Variants in CIT observed in about 807,000 individuals in gnomAD.
CIT encodes the protein citron Rho-interacting kinase.
A neutral mutation model predicts 272.7 loss-of-function variants in CIT; 79 were observed. The observed-to-expected ratio is 0.29, with a 90% confidence interval of 0.24 to 0.35. The LOEUF is 0.35. Among genes scored for constraint, CIT ranks in the 10% least tolerant of loss-of-function variants. The pLI is 1.00. For synonymous variants in CIT, 948 were observed against 995.6 expected, an observed-to-expected ratio of 0.95 and a Z score of 0.90; for missense variants, 1,909 against 2,618.3, an observed-to-expected ratio of 0.73 and a Z score of 5.91.
intron 8 of CIT, among the ~76,000 whole-genome samples, chr12:119,823,272 G>C (rs1333428488): frequency 6.6e-6 from 1 of 152,090 alleles, no homozygotes; most frequent in Non-Finnish European, 1.5e-5. Flanking sequence ...CAACAATGAT[G>C]AGCTATTTAA....
At chr12:119,811,169 ACAAAAAATT>A (rs1966844783) in intron 9 of CIT, among the ~76,000 whole-genome samples, 1 of 152,154 alleles carries the variant, frequency 6.6e-6, no homozygotes, top group Non-Finnish European at 1.5e-5. Context: ...TACAAAAAAT[ACAAAAAATT>A]AGCCGGGTGT....
intron 27 of CIT, 43 bp downstream of exon 27, chr12:119,730,452 A>C (rs1258606805): frequency 6.5e-7 from 1 of 1,541,546 alleles, no homozygotes; most frequent in Admixed American, 2.1e-5. Context: ...AAAAGAAGGA[A>C]ACGAAAATGT....
Position 119,782,565 on chromosome 12 carries a change from G to T in CIT, c.1618C>A (p.His540Asn). 6.2e-7 allele frequency: 1 copy of T among 1,614,146 alleles called. No individual in the cohort carries two copies. Among genetic ancestry groups the T allele is most frequent in the Non-Finnish European group, 8.5e-7 (1 of 1,180,022 alleles). ...QEDDKALQLL[H>N]DIREQSRKLQ... is the part of the protein sequence containing the mutation. ...TTCCGGCTCTGCTCTCTGATATCAT[G>T]GAGAAGCTGCAGTGCTTTGTCATCC... is the stretch of plus-strand genomic sequence containing the variant. Residue 540 changes from histidine (H) to asparagine (N), a missense_variant, in exon 13 of 48, where the codon CAT becomes AAT. This residue lies in a region of CIT where 19 missense variants were observed against 21.4 expected (regional missense o/e 0.89). Transcript: ENST00000392521.
At chr12:119,698,223 C>T (rs1956339537) in intron 44 of CIT, 169 bp from the exon 45 acceptor site, 1 of 655,776 alleles carries the variant, frequency 1.5e-6, no homozygotes, top group Non-Finnish European at 2.7e-6. Flanking sequence ...AGGATATTCA[C>T]TGCCGTGTGG....
chr12:119,851,119 C>T (rs1970198240), intron 4 of CIT, among the ~76,000 whole-genome samples: 1 of 152,166 alleles, frequency 6.6e-6, no homozygotes, highest in Non-Finnish European at 1.5e-5. Context: ...GAGTCTCTCT[C>T]TGTTTCCCAA....
At chr12:119,815,857 G>A (rs536778304) in intron 9 of CIT, among the ~76,000 whole-genome samples, 1 of 152,230 alleles carries the variant, frequency 6.6e-6, no homozygotes, top group Non-Finnish European at 1.5e-5. Context: ...GGGGTTGGGC[G>A]TGGGGTGGGA....
Position 119,784,023 on chromosome 12 carries a change from C to T in CIT, c.1430G>A (p.Arg477Gln), listed in dbSNP as rs1350269868. 2 of 1,612,288 alleles carry T rather than the reference C, an allele frequency of 1.2e-6. No individual in the cohort carries two copies. The highest frequency in any genetic ancestry group is 1.1e-5 in the South Asian group (1 of 90,644). ...CACAGCCTCCACCTCTGACACTCTC[C>T]GATGTAACCGGGTCATTTCCTGCTC... Reference protein sequence around the residue: ...KMEQEMTRLHRRVSEVEAVLS... With the variant: ...KMEQEMTRLHQRVSEVEAVLS... Residue 477 changes from arginine to glutamine, a missense_variant, in exon 12 of 48, where the codon CGG becomes CAG. Around this residue, in one of 8 missense-constraint regions of CIT, gnomAD observed 26 missense variants for 44.1 expected, o/e 0.59. Coordinates refer to ENST00000392521, the MANE Select transcript of CIT (RefSeq NM_001206999.2). This position sits in a 1 kb window ranked among gnomAD's most constrained non-coding sequence, Gnocchi z 4.7.
chr12:119,804,085 T>C lies in CIT; in HGVS notation c.1112-696A>G, dbSNP rs192203547. ...TCAGCATAATGAAGCACCAGCCAAA[T>C]AAAGTTCCTACCGGTGATCTACAGC... On this transcript the variant is annotated intron_variant, in intron 9 of 47. Transcript: ENST00000392521. The surrounding 1 kb of genome is among the most constrained non-coding windows in gnomAD (Gnocchi z 5.3). 1,511 of 820,418 alleles carry C rather than the reference T, an allele frequency of 1.8e-3. 18 individuals carry two copies. In the African/African-American group the frequency reaches 0.03, roughly 16 times the overall value. 50.8% of individuals were successfully genotyped at this position (820,418 alleles called of 1,614,324 possible).
rs368258615 is a variant in CIT at position 119,713,216 on chromosome 12, A to G, written c.4566T>C (p.Asn1522=). The part of the protein sequence containing the change: ...LEGSKVLIYD[N]EAREAGQRPV... The stretch of plus-strand genomic sequence containing the variant: ...TTATTAATTTACCTTCTCTGGCTTC[A>G]TTGTCATAAATGAGGACTTTTGATC... The change falls in exon 35 of 48, where the codon AAT becomes AAC. Residue 1522 remains asparagine, a synonymous_variant. Transcript: ENST00000392521. This position sits in a 1 kb window ranked among gnomAD's most constrained non-coding sequence, Gnocchi z 5.2. 178 of 1,613,630 alleles carry G rather than the reference A, an allele frequency of 1.1e-4. No homozygotes were observed. Among genetic ancestry groups the G allele is most frequent in the Non-Finnish European group, 1.4e-4 (168 of 1,179,746 alleles).
rs536829998 is a variant in CIT at position 119,703,607 on chromosome 12, G to A, written c.5304+756C>T. On this transcript the variant is annotated intron_variant, in intron 41 of 47. Transcript: ENST00000392521. ...TGCCCGGCTAATTTTTGTATTTTTA[G>A]TAGAGACAGGGTTTCACCATGTTGG... Among the ~76,000 whole-genome samples the A allele has an allele frequency of 1.0e-3, 159 of 152,044 alleles. 1 individual carries two copies. Among genetic ancestry groups the A allele is most frequent in the Non-Finnish European group, 1.3e-3 (88 of 67,978 alleles).
rs1435067328 is a variant in CIT at position 119,712,136 on chromosome 12, C to T, written c.4854+42G>A. The T allele has an allele frequency of 2.0e-6, 3 of 1,534,468 alleles. No homozygotes were observed. The highest frequency in any genetic ancestry group is 2.6e-6 in the Non-Finnish European group (3 of 1,141,950). On this transcript the variant is annotated intron_variant, in intron 37 of 47. Transcript: ENST00000392521. The surrounding 1 kb of genome is among the most constrained non-coding windows in gnomAD (Gnocchi z 5.2). Reference sequence around the variant, plus strand: ...GTTAACACCAGTTACCAAGTCAGCCCCCTTTACAAAGACAACCTCCAGGGC... The same window carrying T: ...GTTAACACCAGTTACCAAGTCAGCCTCCTTTACAAAGACAACCTCCAGGGC...
chr12:119,833,705 CAG>C (rs1209712526), intron 6 of CIT, among the ~76,000 whole-genome samples: 1 of 150,190 alleles, frequency 6.7e-6, no homozygotes, highest in African/African-American at 2.5e-5. Context: ...TTCTAACGGG[CAG>C]AGTTAGAGAA....
intron 7 of CIT, among the ~76,000 whole-genome samples, chr12:119,825,883 C>A (rs1337550936): frequency 6.6e-6 from 1 of 152,134 alleles, no homozygotes; most frequent in Non-Finnish European, 1.5e-5. Context: ...GCATGGCCAA[C>A]ATGGTGAAGC....
Position 119,870,728 on chromosome 12 carries a change from A to G in CIT, c.97-1527T>C, listed in dbSNP as rs571043374. Among the ~76,000 whole-genome samples, 15 of 152,038 alleles carry G rather than the reference A, an allele frequency of 9.9e-5. No individual in the cohort carries two copies. The South Asian group carries it at 3.1e-3, about 32-fold the overall frequency. ...ACACAGCTACACCCATCATTTACAT[A>G]TTGTCTTTAGCTGCTTTTGTGCTAC... On this transcript the variant is annotated intron_variant, in intron 2 of 47. Coordinates refer to ENST00000392521, the MANE Select transcript of CIT (RefSeq NM_001206999.2).
chr12:119,697,807 T>A lies in CIT; in HGVS notation c.5734A>T (p.Asn1912Tyr), dbSNP rs754065048. The change falls in exon 46 of 48, where the codon AAC (asparagine) becomes TAC (tyrosine). Residue 1912 changes from asparagine (N) to tyrosine (Y), a missense_variant. Physicochemically the swap from Asn to Tyr is moderately radical, Grantham distance 143. Around this residue, in one of 8 missense-constraint regions of CIT, gnomAD observed 780 missense variants for 1,067.2 expected, o/e 0.73. Coordinates refer to ENST00000392521, the MANE Select transcript of CIT (RefSeq NM_001206999.2). The surrounding 1 kb of genome is among the most constrained non-coding windows in gnomAD (Gnocchi z 4.9). ...ATGGCAGGGCCCAGGTAGCGCGGGT[T>A]CGGGATGTCCAGGTACGCTCGGGCA... ...TPARAYLDIP[N>Y]PRYLGPAISS... 4.3e-6 allele frequency: 7 copies of A among 1,614,130 alleles called. No individual in the cohort carries two copies. In the South Asian group the frequency reaches 7.7e-5, roughly 18 times the overall value.
intron 9 of CIT, among the ~76,000 whole-genome samples, chr12:119,814,499 T>C (rs974504153): frequency 2.0e-5 from 3 of 152,150 alleles, no homozygotes; most frequent in African/African-American, 4.8e-5. Context: ...CTTGCTCCCC[T>C]TCCCGTCCAT....
rs74504562 is a variant in CIT, at chr12:119,839,794, A to G, written c.517-5566T>C. Among the ~76,000 whole-genome samples the G allele has an allele frequency of 4.5e-3, 686 of 152,238 alleles. 5 individuals are homozygous for G. The highest frequency in any genetic ancestry group is 0.016 in the African/African-American group (649 of 41,530). On this transcript the variant is annotated intron_variant, in intron 5 of 47. Transcript: ENST00000392521. The stretch of plus-strand genomic sequence containing the variant: ...CAAAGGTTCAGGTTAGGAGAAGAAA[A>G]ATAAACTTGGGATGATGAAGCACCC...
At position 119,784,633 on chromosome 12, in the gene CIT, C is replaced by T; in HGVS notation, c.1401+327G>A. The T allele has an allele frequency of 8.1e-7, 1 of 1,232,290 alleles. No individual in the cohort carries two copies. Among genetic ancestry groups the T allele is most frequent in the South Asian group, 1.9e-5 (1 of 51,374 alleles). The allele number at this position is 1,232,290 out of a possible 1,614,324, so 76.3% of individuals were successfully genotyped here. A position where few individuals can be genotyped will look rare whatever the true frequency, so the allele number is the denominator to read the frequency against. On this transcript the variant is annotated intron_variant, in intron 11 of 47. Transcript: ENST00000392521. This position sits in a 1 kb window ranked among gnomAD's most constrained non-coding sequence, Gnocchi z 4.7. ...CTAGGAAGAGAGACTTCGCATCACTCAAAGCAGATGGGATGTATCTCAGCC... is the reference window on the plus strand; with the variant it reads ...CTAGGAAGAGAGACTTCGCATCACTTAAAGCAGATGGGATGTATCTCAGCC...
intron 24 of CIT, among the ~76,000 whole-genome samples, chr12:119,735,891 G>A (rs1055869686): frequency 1.3e-5 from 2 of 151,874 alleles, no homozygotes; most frequent in African/African-American, 2.4e-5. Flanking sequence ...ATACAACAAA[G>A]GAAAAAAACT....
Sources: gnomAD v4.1 joint callset for allele counts (sites outside exome capture counted in the v4.1 genomes callset) on GRCh38, gnomAD v4.1.1 for gene constraint, gnomAD v4.1.1 regional missense constraint, Gnocchi (gnomAD v3.1) non-coding constraint, MANE v1.5 for transcripts, NCBI Gene and HGNC (gene_info 2026-07-23, HGNC 2026-07-21) for gene names.